Variants in ANXA4 observed in about 807,000 individuals in gnomAD.
ANXA4 encodes 35-beta calcimedin.
In ANXA4, 39 loss-of-function variants were observed where a neutral mutation model predicts 49.8. That is an observed-to-expected ratio of 0.78 (90% CI 0.61 to 1.02). The LOEUF is 1.02. Ranked by LOEUF, ANXA4 falls within the 50% of genes least tolerant of loss-of-function variation. The probability of loss-of-function intolerance (pLI) is 0.00; values close to 1 mark genes in which losing one functional copy is unlikely to be tolerated. For missense variants in ANXA4, 360 were observed against 410.1 expected, an observed-to-expected ratio of 0.88 and a Z score of 1.05; for synonymous variants, 134 against 152.5, an observed-to-expected ratio of 0.88 and a Z score of 0.89.
intron 1 of ANXA4, among the ~76,000 whole-genome samples, chr2:69,755,838 A>C (rs538341764): frequency 6.6e-6 from 1 of 152,334 alleles, no homozygotes; most frequent in African/African-American, 2.4e-5. Context: ...TAATGAGTAA[A>C]TAAGTTATAT....
intron 4 of ANXA4, 24 bp from the exon 5 acceptor site, chr2:69,806,361 C>T (rs767798913): frequency 1.4e-5 from 21 of 1,547,112 alleles, no homozygotes; most frequent in African/African-American, 1.1e-4. Flanking sequence ...AGCAGTTAAG[C>T]GGAGCTACTT....
intron 2 of ANXA4, among the ~76,000 whole-genome samples, chr2:69,662,304 C>T (rs115872909): frequency 0.071 from 10,806 of 152,144 alleles, 1,124 homozygotes; most frequent in East Asian, 0.37. Flanking sequence ...TCCAAGACAT[C>T]CAGGCAGAAG....
At chr2:69,664,977 C>T (rs928391261) in intron 2 of ANXA4, among the ~76,000 whole-genome samples, 7 of 152,116 alleles carry the variant, frequency 4.6e-5, no homozygotes, top group African/African-American at 1.4e-4. Flanking sequence ...ATGGTATGCA[C>T]CTGTAATCCC....
At chr2:69,666,175 G>A (rs1369442131) in intron 2 of ANXA4, among the ~76,000 whole-genome samples, 1 of 152,244 alleles carries the variant, frequency 6.6e-6, no homozygotes, top group Non-Finnish European at 1.5e-5. Flanking sequence ...TTGCACTCCA[G>A]TGTGGGCTGA....
intron 9 of ANXA4, 83 bp from the exon 10 acceptor site, chr2:69,818,516 A>G: frequency 1.2e-6 from 1 of 810,722 alleles, no homozygotes; most frequent in Non-Finnish European, 2.0e-6. Context: ...AGTGTAGGCT[A>G]GTTAAAAATG....
At chr2:69,699,227 C>T (rs891112447) in intron 2 of ANXA4, among the ~76,000 whole-genome samples, 2 of 152,166 alleles carry the variant, frequency 1.3e-5, no homozygotes, top group African/African-American at 4.8e-5. Context: ...CCAGGGTAAA[C>T]TTTGGTCTCC....
intron 2 of ANXA4, among the ~76,000 whole-genome samples, chr2:69,685,794 G>A (rs1282489246): frequency 6.6e-6 from 1 of 152,176 alleles, no homozygotes; most frequent in East Asian, 1.9e-4. Context: ...ATTTTAGGCT[G>A]TATCCAGTGG....
chr2:69,706,186 A>C (rs1008301004), intron 2 of ANXA4, among the ~76,000 whole-genome samples: 14 of 151,594 alleles, frequency 9.2e-5, no homozygotes, highest in African/African-American at 2.9e-4. Context: ...TTGTTTGTTA[A>C]ATCAGGAATG....
At position 69,773,013 on chromosome 2, in the gene ANXA4, CAAAA is replaced by C. The variant is rs570668972; in HGVS notation, c.-46-8500_-46-8497del. Reference sequence around the variant, plus strand: ...GCCTGGCAACAGAGCGAGACTGTCTCAAAAAAAAAAGAAAGAAAGAAAGAAAGAA... The same window carrying C: ...GCCTGGCAACAGAGCGAGACTGTCTCAAAAAAGAAAGAAAGAAAGAAAGAA... On this transcript the variant is annotated intron_variant, in intron 1 of 12. Transcript: ENST00000394295. Among the ~76,000 whole-genome samples the C allele has an allele frequency of 1.6e-3, 222 of 138,780 alleles. 1 individual carries two copies. Among genetic ancestry groups the C allele is most frequent in the Admixed American group, 4.7e-3 (63 of 13,394 alleles). 91.0% of individuals were successfully genotyped at this position (138,780 alleles called of 152,430 possible). A position where few individuals can be genotyped will look rare whatever the true frequency, so the allele number is the denominator to read the frequency against.
rs530890375 is a variant in ANXA4 at position 69,783,647 on chromosome 2, G to A, written c.9+2073G>A. Among the ~76,000 whole-genome samples, 3 of 152,196 alleles carry A rather than the reference G, an allele frequency of 2.0e-5. No individual in the cohort carries two copies. The South Asian group carries it at 6.2e-4, about 32-fold the overall frequency. The stretch of plus-strand genomic sequence containing the variant: ...AAATGCACATCCTTTAAGGTTACTG[G>A]TCGTTAAGTTTTGACAAATACATAT... On this transcript the variant is annotated intron_variant, in intron 2 of 12. Coordinates refer to ENST00000394295, the MANE Select transcript of ANXA4 (RefSeq NM_001153.5).
intron 11 of ANXA4, among the ~76,000 whole-genome samples, 194 bp downstream of exon 11, chr2:69,819,532 T>A (rs560292502): frequency 6.6e-6 from 1 of 152,284 alleles, no homozygotes; most frequent in Admixed American, 6.5e-5. Context: ...GATCACTGTT[T>A]TTAATAGATT....
intron 12 of ANXA4, among the ~76,000 whole-genome samples, chr2:69,821,922 C>A (rs1370095262): frequency 6.6e-6 from 1 of 152,064 alleles, no homozygotes; most frequent in Non-Finnish European, 1.5e-5. Flanking sequence ...AAGAAAAAAA[C>A]AAAATAACCC....
At chr2:69,716,787 T>C (rs1220797902) in intron 2 of ANXA4, among the ~76,000 whole-genome samples, 1 of 152,156 alleles carries the variant, frequency 6.6e-6, no homozygotes, top group Non-Finnish European at 1.5e-5. Context: ...CGAAAAGAGT[T>C]GTGTTTTGTT....
intron 2 of ANXA4, among the ~76,000 whole-genome samples, chr2:69,655,130 G>T (rs1009767456): frequency 6.6e-6 from 1 of 152,174 alleles, no homozygotes; most frequent in African/African-American, 2.4e-5. Context: ...AAGACTTCAT[G>T]ACTATAACAC....
At chr2:69,802,900 TA>T in intron 3 of ANXA4, among the ~76,000 whole-genome samples, 1 of 151,138 alleles carries the variant, frequency 6.6e-6, no homozygotes. Flanking sequence ...CTCTCCTTTT[TA>T]AAAATAGGAA....
At chr2:69,748,345 CT>C (rs970784042) in intron 1 of ANXA4, among the ~76,000 whole-genome samples, 1 of 151,334 alleles carries the variant, frequency 6.6e-6, no homozygotes, top group Non-Finnish European at 1.5e-5. Context: ...CGCCACTGCA[CT>C]CCAGCCTGGG....
chr2:69,780,057 C>G (rs1182770879), intron 1 of ANXA4, among the ~76,000 whole-genome samples: 1 of 152,206 alleles, frequency 6.6e-6, no homozygotes, highest in Non-Finnish European at 1.5e-5. Context: ...ACTTAGTTAT[C>G]ATCAAAAGGC....
intron 3 of ANXA4, among the ~76,000 whole-genome samples, chr2:69,730,559 G>A (rs892358936): frequency 2.0e-5 from 3 of 152,178 alleles, no homozygotes; most frequent in African/African-American, 4.8e-5. Context: ...CTTCTAAGAT[G>A]GGGGTTTCTG....
intron 4 of ANXA4, among the ~76,000 whole-genome samples, chr2:69,805,315 G>T (rs931352548): frequency 6.6e-6 from 1 of 151,826 alleles, no homozygotes; most frequent in Non-Finnish European, 1.5e-5. Context: ...ACTAGTTAAA[G>T]AAATTAGGCT....
Sources: allele counts gnomAD v4.1 joint callset (sites outside exome capture counted in the v4.1 genomes callset), GRCh38; gene constraint gnomAD v4.1.1; transcripts MANE v1.5; gene names NCBI Gene and HGNC (gene_info 2026-07-23, HGNC 2026-07-21).